ARMH3: variants seen among roughly 807,000 people sequenced by gnomAD.
ARMH3 encodes armadillo-like helical domain-containing protein 3.
Under a neutral mutation model 99.1 loss-of-function variants are expected in ARMH3, and 60 were observed. The ratio of observed to expected loss-of-function variants is 0.61; its 90% CI spans 0.49 to 0.75. ARMH3 has a LOEUF of 0.75. Ranked by LOEUF, ARMH3 falls within the 30% of genes least tolerant of loss-of-function variation. ARMH3 has a pLI of 0.00. For missense variants in ARMH3, 679 were observed against 843.1 expected (o/e 0.81, Z 2.41); for synonymous variants, 285 against 292.8 (o/e 0.97, Z 0.27).
intron 23 of ARMH3, among the ~76,000 whole-genome samples, chr10:101,936,928 T>C (rs967550930): frequency 6.6e-5 from 10 of 152,152 alleles, no homozygotes; most frequent in African/African-American, 2.4e-4. Flanking sequence ...TTCATATGCA[T>C]TACATTATAT....
chr10:102,019,211 G>A (rs2066821252), intron 8 of ARMH3, among the ~76,000 whole-genome samples: 1 of 151,994 alleles, frequency 6.6e-6, no homozygotes. Context: ...ACCATGCCCA[G>A]CTAATTTTTG....
intron 2 of ARMH3, among the ~76,000 whole-genome samples, chr10:102,038,125 C>A (rs1234019851): frequency 7.6e-6 from 1 of 131,282 alleles, no homozygotes; most frequent in East Asian, 2.2e-4. Flanking sequence ...GATGGAGTCT[C>A]GCTCTGTCGC....
Position 101,991,974 on chromosome 10 carries a change from A to G in ARMH3, c.1340T>C (p.Val447Ala), listed in dbSNP as rs1218449730. 2 of 1,613,614 alleles carry G rather than the reference A, an allele frequency of 1.2e-6. No individual in the cohort carries two copies. The highest frequency in any genetic ancestry group is 1.1e-5 in the South Asian group (1 of 91,068). Residue 447 changes from valine to alanine, a missense_variant, in exon 18 of 26, where the codon GTA becomes GCA. Coordinates refer to ENST00000370033, the MANE Select transcript of ARMH3 (RefSeq NM_024541.3). ...TGTTGATGATACTCACTCACCCAGT[A>G]CTGCACATACTAAAGGACGGCAGGG... ...NLPCRPLVCA[V>A]LDLMVEFIVT...
intron 23 of ARMH3, among the ~76,000 whole-genome samples, chr10:101,922,070 T>C (rs1444159196): frequency 6.6e-6 from 1 of 152,202 alleles, no homozygotes; most frequent in African/African-American, 2.4e-5. Flanking sequence ...TTATACAGTC[T>C]ATGCATGTAA....
At chr10:101,967,653 C>T (rs1845596090) in intron 20 of ARMH3, among the ~76,000 whole-genome samples, 1 of 152,134 alleles carries the variant, frequency 6.6e-6, no homozygotes, top group South Asian at 2.1e-4. Context: ...AGGAGAATTG[C>T]TTGAACCAGG....
chr10:101,992,754 A>T (rs1846860753), intron 17 of ARMH3, among the ~76,000 whole-genome samples: 1 of 151,856 alleles, frequency 6.6e-6, no homozygotes, highest in Non-Finnish European at 1.5e-5. Context: ...GGCCTCCCAA[A>T]GTGTTGGGAT....
At chr10:101,907,132 G>C (rs1458087285) in intron 23 of ARMH3, among the ~76,000 whole-genome samples, 1 of 152,158 alleles carries the variant, frequency 6.6e-6, no homozygotes, top group African/African-American at 2.4e-5. Flanking sequence ...GAGACGACCT[G>C]ACATCCTGTT....
intron 19 of ARMH3, among the ~76,000 whole-genome samples, chr10:101,984,739 TG>T (rs1846385730): frequency 6.6e-6 from 1 of 151,978 alleles, no homozygotes; most frequent in South Asian, 2.1e-4. Context: ...TCAAGCAGAA[TG>T]AAAATTTTAA....
At chr10:102,035,527 C>A (rs982670680) in intron 2 of ARMH3, among the ~76,000 whole-genome samples, 3 of 152,198 alleles carry the variant, frequency 2.0e-5, no homozygotes, top group Non-Finnish European at 4.4e-5. Context: ...CCTCAGCCTG[C>A]GGAGTGCCTG....
intron 23 of ARMH3, among the ~76,000 whole-genome samples, chr10:101,890,534 G>A (rs771974274): frequency 2.0e-5 from 3 of 152,140 alleles, no homozygotes; most frequent in Admixed American, 6.5e-5. Context: ...GAGCCACAGC[G>A]GCTGGCCAAC....
At chr10:101,956,466 G>A (rs753091978) in intron 22 of ARMH3, 131 bp downstream of exon 22, 293 of 1,190,766 alleles carry the variant, frequency 2.5e-4, no homozygotes, top group Non-Finnish European at 3.2e-4. Flanking sequence ...CCTGAGAAGA[G>A]GAGACTACTA....
intron 24 of ARMH3, among the ~76,000 whole-genome samples, chr10:101,873,728 C>A (rs569274121): frequency 7.2e-5 from 11 of 152,154 alleles, no homozygotes; most frequent in Non-Finnish European, 1.6e-4. Flanking sequence ...TAAAAGAAAT[C>A]ACACAATATG....
chr10:101,862,532 G>A (rs970453850), intron 24 of ARMH3, among the ~76,000 whole-genome samples: 16 of 151,928 alleles, frequency 1.1e-4, no homozygotes, highest in African/African-American at 3.9e-4. Context: ...AGCCAAGATC[G>A]CACCACTGTA....
intron 23 of ARMH3, among the ~76,000 whole-genome samples, chr10:101,912,154 G>A (rs971792631): frequency 2.6e-5 from 4 of 152,136 alleles, no homozygotes; most frequent in African/African-American, 4.8e-5. Context: ...CAGCACTTAC[G>A]GAGGCCGAGG....
intron 22 of ARMH3, among the ~76,000 whole-genome samples, chr10:101,953,748 G>GA (rs1351156828): frequency 6.6e-6 from 1 of 152,078 alleles, no homozygotes; most frequent in Non-Finnish European, 1.5e-5. Flanking sequence ...ATATGATATG[G>GA]AATGACGACA....
At position 101,963,887 on chromosome 10, in the gene ARMH3, T is replaced by A. The variant is rs117485461; in HGVS notation, c.1496-6155A>T. Among the ~76,000 whole-genome samples, 1,274 of 150,956 alleles carry A rather than the reference T, an allele frequency of 8.4e-3. 33 individuals carry two copies. The East Asian group carries it at 0.093, about 11-fold the overall frequency. On this transcript the variant is annotated intron_variant, in intron 20 of 25. Coordinates refer to ENST00000370033, the MANE Select transcript of ARMH3 (RefSeq NM_024541.3). Reference sequence around the variant, plus strand: ...GGTTCTCTTTTTCTTTCTTTTTTTTTTTTTTTTGAGACGGAGTCTTGCTCT... The same window carrying A: ...GGTTCTCTTTTTCTTTCTTTTTTTTATTTTTTTGAGACGGAGTCTTGCTCT...
intron 24 of ARMH3, among the ~76,000 whole-genome samples, chr10:101,873,166 G>A (rs1017314035): frequency 6.6e-6 from 1 of 151,026 alleles, no homozygotes; most frequent in African/African-American, 2.4e-5. Flanking sequence ...CACTTTGGGA[G>A]GCCGAGGTGG....
At chr10:102,011,911 C>T in intron 10 of ARMH3, 128 bp from the exon 11 acceptor site, 1 of 677,278 alleles carries the variant, frequency 1.5e-6, no homozygotes, top group South Asian at 2.2e-5. Context: ...AGCATTATGA[C>T]AATCAAGCAT....
At chr10:102,014,354 C>T (rs1351694302) in intron 8 of ARMH3, among the ~76,000 whole-genome samples, 1 of 152,242 alleles carries the variant, frequency 6.6e-6, no homozygotes, top group Non-Finnish European at 1.5e-5. Flanking sequence ...GAGTGCTCCA[C>T]AACACTCATT....
Sources: gnomAD v4.1 joint callset for allele counts (sites outside exome capture counted in the v4.1 genomes callset) on GRCh38, gnomAD v4.1.1 for gene constraint, MANE v1.5 for transcripts, NCBI Gene and HGNC (gene_info 2026-07-23, HGNC 2026-07-21) for gene names.